Variants in AKAP9 observed in about 807,000 individuals in gnomAD.
AKAP9 encodes the protein A-kinase anchoring protein 9.
A neutral mutation model predicts 488.5 loss-of-function variants in AKAP9; 311 were observed. The observed-to-expected ratio is 0.64, with a 90% confidence interval of 0.58 to 0.70. The LOEUF (loss-of-function observed/expected upper bound fraction) is 0.70. AKAP9 is among the 30% of genes least tolerant of loss of function. The pLI is 0.00. For synonymous variants in AKAP9, 1,462 were observed against 1,483.5 expected, an observed-to-expected ratio of 0.99 and a Z score of 0.33; for missense variants, 4,215 against 4,374.5, an observed-to-expected ratio of 0.96 and a Z score of 1.03.
At chr7:92,008,996 A>AG (rs1469626437) in intron 8 of AKAP9, among the ~76,000 whole-genome samples, 17 of 151,542 alleles carry the variant, frequency 1.1e-4, no homozygotes, top group Admixed American at 1.1e-3. Flanking sequence ...AAAAAAAAAA[A>AG]AAAAGAAAAT....
chr7:92,094,841 C>CAACAAAACAAAACAAACAA (rs1315719954), intron 39 of AKAP9, among the ~76,000 whole-genome samples, 182 bp from the exon 40 acceptor site: 50 of 151,890 alleles, frequency 3.3e-4, no homozygotes, highest in African/African-American at 1.1e-3. Flanking sequence ...CGAAACAAAA[C>CAACAAAACAAAACAAACAA]AACAAAAAAA....
intron 14 of AKAP9, 123 bp from the exon 15 acceptor site, chr7:92,029,772 T>C: frequency 1.3e-6 from 1 of 760,426 alleles, no homozygotes; most frequent in Non-Finnish European, 2.3e-6. Flanking sequence ...GCAATACCTA[T>C]AACCCTAGAC....
chr7:92,031,543 C>G lies in AKAP9; in HGVS notation c.4277C>G (p.Thr1426Arg). 6.2e-7 allele frequency: 1 copy of G among 1,612,386 alleles called. No individual in the cohort carries two copies. ...FSGEFGVKEE[T>R]NIVKLLEKQY... ...GGTGAATTTGGAGTGAAAGAGGAAA[C>G]AAATATCGTTAAGTTGCTTGAAAAA... The change falls in exon 16 of 50, where the codon ACA (threonine) becomes AGA (arginine). Residue 1426 changes from threonine to arginine, a missense_variant. Coordinates refer to ENST00000356239, the MANE Select transcript of AKAP9 (RefSeq NM_005751.5).
intron 4 of AKAP9, among the ~76,000 whole-genome samples, chr7:91,992,490 C>T (rs925032867): frequency 6.6e-6 from 1 of 151,790 alleles, no homozygotes; most frequent in African/African-American, 2.4e-5. Flanking sequence ...AAGGTGAAAC[C>T]GCATCTCTAC....
At position 91,981,559 on chromosome 7, in the gene AKAP9, C is replaced by CT. The variant is rs1045157042; in HGVS notation, c.351+1235dup. Among the ~76,000 whole-genome samples the CT allele has an allele frequency of 1.2e-4, 17 of 144,976 alleles. No individual in the cohort carries two copies. The East Asian group carries it at 1.2e-3, about 10-fold the overall frequency. On this transcript the variant is annotated intron_variant, in intron 3 of 49. Transcript: ENST00000356239. ...ACCAAGGGATTATTGCATTTGAAAA[C>CT]TTTTTTTTTCTTTATAATGCTCTAA...
intron 28 of AKAP9, among the ~76,000 whole-genome samples, chr7:92,076,557 A>G (rs1056434312): frequency 6.6e-6 from 1 of 152,132 alleles, no homozygotes; most frequent in Non-Finnish European, 1.5e-5. Context: ...CCTTCCTCCT[A>G]TGACTCTTTT....
At chr7:92,010,757 A>C (rs567297730) in intron 8 of AKAP9, among the ~76,000 whole-genome samples, 1 of 152,266 alleles carries the variant, frequency 6.6e-6, no homozygotes, top group South Asian at 2.1e-4. Context: ...GGACTCAGGC[A>C]ATCTCCTCAT....
Position 92,016,050 on chromosome 7 carries a change from C to G in AKAP9, c.3613-79C>G, listed in dbSNP as rs1801468427. ...GTGTGCCATTTTGACCGCCTTGCAT[C>G]TAGGAGAATTATGTTTAATCTTTAG... On this transcript the variant is annotated intron_variant, in intron 10 of 49. Coordinates refer to ENST00000356239, the MANE Select transcript of AKAP9 (RefSeq NM_005751.5). The G allele has an allele frequency of 4.8e-6, 6 of 1,247,838 alleles. No homozygotes were observed. In the Admixed American group the frequency reaches 7.2e-5, roughly 15 times the overall value. 77.3% of individuals were successfully genotyped at this position (1,247,838 alleles called of 1,614,324 possible). A position where few individuals can be genotyped will look rare whatever the true frequency, so the allele number is the denominator to read the frequency against.
intron 2 of AKAP9, among the ~76,000 whole-genome samples, chr7:91,974,758 T>C (rs1795454624): frequency 6.6e-6 from 1 of 152,162 alleles, no homozygotes; most frequent in African/African-American, 2.4e-5. Context: ...TATTTAGGTT[T>C]TTAATTTTTT....
chr7:92,065,126 C>A (rs1185728379), intron 24 of AKAP9, 105 bp from the exon 25 acceptor site: 2 of 648,976 alleles, frequency 3.1e-6, no homozygotes, highest in South Asian at 2.2e-5. Flanking sequence ...TAAAATAATT[C>A]TCAGCCTTTC....
intron 1 of AKAP9, among the ~76,000 whole-genome samples, chr7:91,959,662 A>C (rs1269923376): frequency 1.3e-5 from 2 of 152,132 alleles, no homozygotes; most frequent in Non-Finnish European, 2.9e-5. Context: ...TAACATTAAG[A>C]TGGTTCCTTA....
intron 14 of AKAP9, among the ~76,000 whole-genome samples, chr7:92,024,849 G>A (rs1411690856): frequency 6.6e-6 from 1 of 152,038 alleles, no homozygotes; most frequent in Non-Finnish European, 1.5e-5. Flanking sequence ...GGAACTAGTC[G>A]TTACTCTTTT....
intron 20 of AKAP9, 198 bp downstream of exon 20, chr7:92,042,969 T>A (rs569301163): frequency 9.3e-5 from 35 of 375,958 alleles, no homozygotes; most frequent in African/African-American, 4.7e-4. Context: ...GATAACATTT[T>A]AAAAAAATCT....
chr7:91,992,082 C>T, intron 3 of AKAP9, 76 bp from the exon 4 acceptor site: 1 of 1,179,420 alleles, frequency 8.5e-7, no homozygotes, highest in Non-Finnish European at 1.3e-6. Flanking sequence ...CACGTGAATA[C>T]AGTTAACAGA....
intron 14 of AKAP9, 142 bp downstream of exon 14, chr7:92,023,151 G>A (rs754325165): frequency 1.6e-4 from 134 of 818,096 alleles, no homozygotes; most frequent in Non-Finnish European, 2.4e-4. Flanking sequence ...AGAAAGAAGA[G>A]CAAGAGATCA....
At position 92,042,665 on chromosome 7, in the gene AKAP9, C is replaced by G; in HGVS notation, c.5059-3C>G. On this transcript the variant is annotated splice_region_variant and splice_polypyrimidine_tract_variant and intron_variant, in intron 19 of 49. Transcript: ENST00000356239. Reference sequence around the variant, plus strand: ...CTCTCTTCCTTTACACAAACTTAAACAGAATGGAAATGAAAACCAAGGAGA... The same window carrying G: ...CTCTCTTCCTTTACACAAACTTAAAGAGAATGGAAATGAAAACCAAGGAGA... 1 of 1,600,362 alleles carries G rather than the reference C, an allele frequency of 6.2e-7. No homozygotes were observed. Among genetic ancestry groups the G allele is most frequent in the Non-Finnish European group, 8.6e-7 (1 of 1,169,056 alleles).
At chr7:92,090,545 C>T (rs1815348765) in intron 38 of AKAP9, 1 of 151,656 alleles carries the variant, frequency 6.6e-6, no homozygotes, top group Admixed American at 6.6e-5. Context: ...TTACTTGAAC[C>T]CAGAAGGTGG....
chr7:91,941,522 G>A (rs977824182), intron 1 of AKAP9, among the ~76,000 whole-genome samples: 2 of 152,094 alleles, frequency 1.3e-5, no homozygotes, highest in African/African-American at 4.8e-5. Flanking sequence ...CCAGGGTGGG[G>A]ATTTAGGGCT....
In AKAP9 at chr7:92,110,191, T is replaced by C; in HGVS notation, c.*32T>C. Reference sequence around the variant, plus strand: ...GAAACATCATTAATTGAAGTGATTTTAAATAGATTTCCTTTTGTAAATCAA... The same window carrying C: ...GAAACATCATTAATTGAAGTGATTTCAAATAGATTTCCTTTTGTAAATCAA... On this transcript the variant is annotated 3_prime_UTR_variant, in exon 50 of 50. Coordinates refer to ENST00000356239, the MANE Select transcript of AKAP9 (RefSeq NM_005751.5). The C allele has an allele frequency of 6.5e-7, 1 of 1,536,530 alleles. No homozygotes were observed.
Sources: gnomAD v4.1 joint callset for allele counts (sites outside exome capture counted in the v4.1 genomes callset) on GRCh38, gnomAD v4.1.1 for gene constraint, MANE v1.5 for transcripts, NCBI Gene and HGNC (gene_info 2026-07-23, HGNC 2026-07-21) for gene names.